The following POT1 variants were observed in gnomAD, a reference collection of about 807,000 sequenced individuals.
POT1 encodes protection of telomeres protein 1.
POT1 carries 47 observed loss-of-function variants against 78.5 expected under a neutral mutation model. That is an observed-to-expected ratio of 0.60 (90% CI 0.47 to 0.76). The LOEUF (loss-of-function observed/expected upper bound fraction) is 0.76, where lower values mean the gene tolerates loss of function less well. POT1 is among the 30% of genes least tolerant of loss of function. The pLI, the probability that POT1 is intolerant of heterozygous loss-of-function variation, is 0.00. For synonymous variants in POT1, 259 were observed against 260.7 expected (o/e 0.99, Z 0.06); for missense variants, 646 against 749.9 (o/e 0.86, Z 1.62).
At chr7:124,882,707 C>A (rs1366431042) in intron 6 of POT1, among the ~76,000 whole-genome samples, 1 of 143,834 alleles carries the variant, frequency 7.0e-6, no homozygotes, top group African/African-American at 2.6e-5. Context: ...ATTAAAAAAA[C>A]AGTACTAAAT....
chr7:124,841,279 T>A, intron 13 of POT1, 101 bp from the exon 14 acceptor site: 1 of 834,966 alleles, frequency 1.2e-6, no homozygotes, highest in Non-Finnish European at 1.9e-6. Context: ...TTCTTACATG[T>A]AGATGAGTCA....
rs1226597801 is a variant in POT1, at chr7:124,825,183, C to T, written c.1792+69G>A. 5.2e-6 allele frequency: 5 copies of T among 954,820 alleles called. No individual in the cohort carries two copies. In the African/African-American group the frequency reaches 6.6e-5, roughly 13 times the overall value. 59.1% of individuals were successfully genotyped at this position (954,820 alleles called of 1,614,324 possible). Reference sequence around the variant, plus strand: ...AAGCTTTCAGACTTCTAAAAGTCCACAGAGTACATATATGTTAGTGCTATC... The same window carrying T: ...AAGCTTTCAGACTTCTAAAAGTCCATAGAGTACATATATGTTAGTGCTATC... On this transcript the variant is annotated intron_variant, in intron 18 of 18. Coordinates refer to ENST00000357628, the MANE Select transcript of POT1 (RefSeq NM_015450.3).
At chr7:124,826,641 G>C (rs191855327) in intron 17 of POT1, among the ~76,000 whole-genome samples, 1 of 152,242 alleles carries the variant, frequency 6.6e-6, no homozygotes, top group Admixed American at 6.5e-5. Flanking sequence ...GGAGGCCAAG[G>C]GTGGGTGGAT....
chr7:124,874,689 C>A (rs2116578368), intron 6 of POT1, among the ~76,000 whole-genome samples: 1 of 149,918 alleles, frequency 6.7e-6, no homozygotes, highest in Admixed American at 6.6e-5. Context: ...GAGCCGAGAT[C>A]ATGCCACTGC....
rs1418539002 is a variant in POT1, at chr7:124,829,343, C to T, written c.1506-1G>A. Reference sequence around the variant, plus strand: ...TCTCAAACTAGAACACTGTTTACATCTGAAATTTATAAAAGAAAGAACCAT... The same window carrying T: ...TCTCAAACTAGAACACTGTTTACATTTGAAATTTATAAAAGAAAGAACCAT... On this transcript the variant is annotated splice_acceptor_variant, in intron 15 of 18. Coordinates refer to ENST00000357628, the MANE Select transcript of POT1 (RefSeq NM_015450.3). LOFTEE classifies it high-confidence loss of function. 1 of 1,527,312 alleles carries T rather than the reference C, an allele frequency of 6.5e-7. No individual in the cohort carries two copies. The highest frequency in any genetic ancestry group is 1.4e-5 in the African/African-American group (1 of 72,038). 94.6% of individuals were successfully genotyped at this position (1,527,312 alleles called of 1,614,324 possible).
intron 18 of POT1, among the ~76,000 whole-genome samples, chr7:124,825,006 CAAAACTATCTCCCTTTCCTATATTTA>C (rs1794595564): frequency 6.6e-6 from 1 of 152,078 alleles, no homozygotes; most frequent in African/African-American, 2.4e-5. Context: ...TGCTTGTGAT[CAAAACTATCTCCCTTTCCTATATTTA>C]AAAATATTTT....
Position 124,835,303 on chromosome 7 carries a change from A to G in POT1, c.1481T>C (p.Ile494Thr), listed in dbSNP as rs774858551. ...ELLDLSAPFLIQGTIHHYGCK... is the reference protein window; with the variant it reads ...ELLDLSAPFLTQGTIHHYGCK... Reference sequence around the variant, plus strand: ...CCCATAGTGATGTATTGTTCCTTGTATAAGAAATGGTGCTGAAAGGTCCAA... The same window carrying G: ...CCCATAGTGATGTATTGTTCCTTGTGTAAGAAATGGTGCTGAAAGGTCCAA... Residue 494 changes from isoleucine to threonine, a missense_variant, in exon 15 of 19, where the codon ATA becomes ACA. Coordinates refer to ENST00000357628, the MANE Select transcript of POT1 (RefSeq NM_015450.3). 2 of 1,614,096 alleles carry G rather than the reference A, an allele frequency of 1.2e-6. No individual in the cohort carries two copies. The highest frequency in any genetic ancestry group is 1.7e-6 in the Non-Finnish European group (2 of 1,179,950).
intron 12 of POT1, 74 bp downstream of exon 12, chr7:124,846,868 T>C (rs1331123025): frequency 2.0e-6 from 2 of 1,018,704 alleles, no homozygotes; most frequent in African/African-American, 3.3e-5. Context: ...AGAAATGGAT[T>C]AGCTGGTAAG....
At position 124,927,630 on chromosome 7, in the gene POT1, T is replaced by C. The variant is rs148420912; in HGVS notation, c.-227+1185A>G. 4.5e-3 allele frequency among the ~76,000 whole-genome samples: 679 copies of C among 152,308 alleles called. 2 individuals are homozygous for C. The highest frequency in any genetic ancestry group is 7.6e-3 in the Non-Finnish European group (519 of 68,012). ...CTTTCTTTCACTGACTCCTTCAACATGGTTCTCTTCTCTTCTATGCTTTGG... is the reference window on the plus strand; with the variant it reads ...CTTTCTTTCACTGACTCCTTCAACACGGTTCTCTTCTCTTCTATGCTTTGG... On this transcript the variant is annotated intron_variant, in intron 2 of 18. Coordinates refer to ENST00000357628, the MANE Select transcript of POT1 (RefSeq NM_015450.3).
intron 17 of POT1, among the ~76,000 whole-genome samples, chr7:124,825,935 CT>C (rs1484812677): frequency 1.3e-5 from 2 of 152,156 alleles, no homozygotes; most frequent in African/African-American, 2.4e-5. Flanking sequence ...AACATTTTAA[CT>C]TTACCCTAAG....
At chr7:124,880,469 G>A (rs1279696917) in intron 6 of POT1, among the ~76,000 whole-genome samples, 1 of 152,020 alleles carries the variant, frequency 6.6e-6, no homozygotes, top group Non-Finnish European at 1.5e-5. Context: ...ATAGTTTAAT[G>A]TTAGCCAAGA....
At chr7:124,914,765 T>C (rs920327480) in intron 3 of POT1, among the ~76,000 whole-genome samples, 2 of 152,142 alleles carry the variant, frequency 1.3e-5, no homozygotes, top group African/African-American at 2.4e-5. Context: ...TACACATGGG[T>C]TATATGCAAA....
At chr7:124,852,067 T>C (rs963636764) in intron 10 of POT1, 116 bp from the exon 11 acceptor site, 2 of 666,874 alleles carry the variant, frequency 3.0e-6, no homozygotes, top group Non-Finnish European at 2.6e-6. Context: ...TTTGTATGTA[T>C]ATGCATTCTT....
intron 12 of POT1, chr7:124,843,198 G>A: frequency 3.3e-6 from 1 of 306,206 alleles, no homozygotes; most frequent in Non-Finnish European, 5.9e-6. Flanking sequence ...GATAATTTGG[G>A]GGAAGAAATA....
Position 124,870,997 on chromosome 7 carries a change from G to A in POT1, c.169C>T (p.Leu57=), listed in dbSNP as rs1795854453. The change falls in exon 7 of 19, where the codon CTA becomes TTA. Residue 57 remains leucine, a synonymous_variant. Transcript: ENST00000357628. ...VTIVDQTNVK[L]TCLLFSGNYE... ...TTTCCACTAAAGAGCAGGCAAGTTAGTTTTACATTTGTCTGGTCCACAATA... is the reference window on the plus strand; with the variant it reads ...TTTCCACTAAAGAGCAGGCAAGTTAATTTTACATTTGTCTGGTCCACAATA... 2 of 1,610,162 alleles carry A rather than the reference G, an allele frequency of 1.2e-6. No individual in the cohort carries two copies. Among genetic ancestry groups the A allele is most frequent in the Non-Finnish European group, 1.7e-6 (2 of 1,177,616 alleles).
At chr7:124,828,879 AG>A (rs1794693328) in intron 16 of POT1, 1 of 534,052 alleles carries the variant, frequency 1.9e-6, no homozygotes, top group Non-Finnish European at 3.7e-6. Flanking sequence ...GGCTAGTAGA[AG>A]CTGAGTGTCC....
At chr7:124,885,262 C>G (rs1224775596) in intron 6 of POT1, among the ~76,000 whole-genome samples, 1 of 128,318 alleles carries the variant, frequency 7.8e-6, no homozygotes, top group African/African-American at 2.9e-5. Context: ...TTTAGGCCAG[C>G]CTGGGCAACA....
rs781611731 is a variant in POT1, at chr7:124,892,248, A to G, written c.124+18T>C. On this transcript the variant is annotated intron_variant, in intron 6 of 18. Transcript: ENST00000357628. ...ATGCATTTCCACTCCAAAAAACTCC[A>G]CCAGTTTTAATACCTACCAGTTCCT... 6 of 1,429,968 alleles carry G rather than the reference A, an allele frequency of 4.2e-6. No individual in the cohort carries two copies. In the African/African-American group the frequency reaches 6.0e-5, roughly 14 times the overall value. 88.6% of individuals were successfully genotyped at this position (1,429,968 alleles called of 1,614,324 possible).
At chr7:124,899,751 C>G (rs1796575869) in intron 3 of POT1, among the ~76,000 whole-genome samples, 1 of 151,902 alleles carries the variant, frequency 6.6e-6, no homozygotes, top group African/African-American at 2.4e-5. Flanking sequence ...GAAAAAAAAA[C>G]CTACCTCTTG....
Sources: allele counts gnomAD v4.1 joint callset (sites outside exome capture counted in the v4.1 genomes callset), GRCh38; gene constraint gnomAD v4.1.1; transcripts MANE v1.5; gene names NCBI Gene and HGNC (gene_info 2026-07-23, HGNC 2026-07-21).